CDH13: variants seen among roughly 807,000 people sequenced by gnomAD.
The protein encoded by CDH13 is cadherin-13.
CDH13 carries 24 observed loss-of-function variants against 63.8 expected under a neutral mutation model. The observed-to-expected ratio is 0.38, with a 90% CI of 0.27 to 0.53. The LOEUF is 0.53. Among genes scored for constraint, CDH13 ranks in the 20% least tolerant of loss-of-function variants. The pLI, the probability that CDH13 is intolerant of heterozygous loss-of-function variation, is 0.85. For missense variants in CDH13, 1,049 were observed against 903.1 expected, an observed-to-expected ratio of 1.16 and a Z score of -2.07; for synonymous variants, 503 against 355.3, an observed-to-expected ratio of 1.42 and a Z score of -4.67.
chr16:83,080,822 C>T (rs1368600551), intron 3 of CDH13, among the ~76,000 whole-genome samples: 2 of 146,408 alleles, frequency 1.4e-5, no homozygotes, highest in African/African-American at 5.1e-5. Flanking sequence ...ATTTTTTAGT[C>T]CTTATTAGTA....
chr16:82,706,840 A>G (rs935448268), intron 1 of CDH13, among the ~76,000 whole-genome samples: 3 of 152,090 alleles, frequency 2.0e-5, no homozygotes, highest in African/African-American at 7.2e-5. Flanking sequence ...TATAGAGGTC[A>G]TTTTTAATGT....
chr16:82,813,566 C>T lies in CDH13; in HGVS notation c.46-44796C>T, dbSNP rs193071587. Among the ~76,000 whole-genome samples the T allele has an allele frequency of 2.4e-4, 37 of 152,202 alleles. 1 individual carries two copies. The East Asian group carries it at 7.2e-3, about 29-fold the overall frequency. ...TACCTGGGGTTAAGATAAAAGGCTT[C>T]AAAAAGGTAGTGTCTTCCCGGAGGC... On this transcript the variant is annotated intron_variant, in intron 1 of 13. Coordinates refer to ENST00000567109, the MANE Select transcript of CDH13 (RefSeq NM_001257.5).
chr16:83,096,304 G>C (rs1006806351), intron 3 of CDH13, among the ~76,000 whole-genome samples: 3 of 152,178 alleles, frequency 2.0e-5, no homozygotes, highest in South Asian at 2.1e-4. Flanking sequence ...GAGCAGCCCA[G>C]AAACCAAATA....
intron 3 of CDH13, among the ~76,000 whole-genome samples, chr16:83,069,462 A>C (rs771030590): frequency 4.6e-5 from 7 of 152,200 alleles, no homozygotes. Flanking sequence ...CATGTATGTA[A>C]CAGCCCCCCC....
chr16:82,917,432 A>G (rs544211864), intron 2 of CDH13, among the ~76,000 whole-genome samples: 1 of 152,336 alleles, frequency 6.6e-6, no homozygotes, highest in African/African-American at 2.4e-5. Context: ...GATTCTTCAC[A>G]GGGAAGTCCT....
intron 5 of CDH13, among the ~76,000 whole-genome samples, chr16:83,238,847 G>T (rs1904289109): frequency 6.6e-6 from 1 of 152,106 alleles, no homozygotes; most frequent in South Asian, 2.1e-4. Flanking sequence ...AACTTTGTCT[G>T]GCATGGACAA....
At chr16:83,510,329 T>C (rs973879043) in intron 7 of CDH13, among the ~76,000 whole-genome samples, 2 of 152,212 alleles carry the variant, frequency 1.3e-5, no homozygotes, top group African/African-American at 4.8e-5. Context: ...TAGATGACAT[T>C]TTGAGAAAAC....
intron 4 of CDH13, among the ~76,000 whole-genome samples, chr16:83,131,755 C>CT (rs1461158479): frequency 6.6e-6 from 1 of 152,108 alleles, no homozygotes; most frequent in Non-Finnish European, 1.5e-5. Flanking sequence ...AATGAAAGTA[C>CT]TTTTTTACAG....
At chr16:83,675,714 T>C (rs1402722646) in intron 9 of CDH13, among the ~76,000 whole-genome samples, 1 of 152,176 alleles carries the variant, frequency 6.6e-6, no homozygotes, top group East Asian at 1.9e-4. Flanking sequence ...TTGCTGGTGG[T>C]CCCAGAGTTA....
At chr16:82,786,350 T>G (rs1269530857) in intron 1 of CDH13, among the ~76,000 whole-genome samples, 2 of 151,854 alleles carry the variant, frequency 1.3e-5, no homozygotes, top group African/African-American at 4.8e-5. Context: ...ACTATCCCAA[T>G]GAAAACGTGT....
chr16:82,636,088 C>G (rs1302147423), intron 1 of CDH13, among the ~76,000 whole-genome samples: 4 of 152,136 alleles, frequency 2.6e-5, no homozygotes, highest in African/African-American at 4.8e-5. Context: ...CAAGAATGGA[C>G]TAAATCCTAT....
At chr16:82,941,463 G>A (rs561327102) in intron 2 of CDH13, among the ~76,000 whole-genome samples, 3 of 152,246 alleles carry the variant, frequency 2.0e-5, no homozygotes, top group African/African-American at 7.2e-5. Flanking sequence ...TTATTTCGTT[G>A]TTTTGCTTCA....
intron 1 of CDH13, among the ~76,000 whole-genome samples, chr16:82,743,840 A>T (rs1350568778): frequency 6.6e-6 from 1 of 152,220 alleles, no homozygotes; most frequent in African/African-American, 2.4e-5. Flanking sequence ...TATAAATATG[A>T]CATAGAAAAA....
At chr16:83,215,372 C>T (rs1401444154) in intron 4 of CDH13, among the ~76,000 whole-genome samples, 1 of 151,870 alleles carries the variant, frequency 6.6e-6, no homozygotes, top group Admixed American at 6.6e-5. Context: ...AGCCACCACG[C>T]CCGGCCCACA....
At chr16:83,517,190 A>G (rs2074716523) in intron 7 of CDH13, among the ~76,000 whole-genome samples, 1 of 152,210 alleles carries the variant, frequency 6.6e-6, no homozygotes, top group South Asian at 2.1e-4. Flanking sequence ...GCAGCAGGTC[A>G]TACTCAGCTT....
At chr16:83,671,410 G>C (rs143979938) in intron 9 of CDH13, among the ~76,000 whole-genome samples, 2 of 151,864 alleles carry the variant, frequency 1.3e-5, no homozygotes, top group African/African-American at 4.8e-5. Flanking sequence ...CACCATGTCC[G>C]GCCAGTTTTT....
chr16:82,924,769 G>A (rs1290538291), intron 2 of CDH13, among the ~76,000 whole-genome samples: 3 of 152,076 alleles, frequency 2.0e-5, no homozygotes, highest in African/African-American at 7.2e-5. Context: ...AATAAATAAT[G>A]CCTGTGTGAA....
intron 7 of CDH13, among the ~76,000 whole-genome samples, chr16:83,545,550 C>G (rs750371233): frequency 9.9e-5 from 15 of 152,134 alleles, no homozygotes; most frequent in Non-Finnish European, 1.9e-4. Context: ...ACAACCTGCC[C>G]CAGCCTCCAG....
intron 1 of CDH13, among the ~76,000 whole-genome samples, chr16:82,850,025 C>G (rs369061682): frequency 3.3e-5 from 5 of 152,260 alleles, no homozygotes; most frequent in African/African-American, 1.2e-4. Context: ...GTTTTCACAC[C>G]TGCTAATATA....
Sources: gnomAD v4.1 joint callset for allele counts (sites outside exome capture counted in the v4.1 genomes callset) on GRCh38, gnomAD v4.1.1 for gene constraint, MANE v1.5 for transcripts, NCBI Gene and HGNC (gene_info 2026-07-23, HGNC 2026-07-21) for gene names.